TNFRSF8: variants seen among roughly 807,000 people sequenced by gnomAD.
TNFRSF8 encodes tumor necrosis factor receptor superfamily member 8.
TNFRSF8 carries 26 observed loss-of-function variants against 70.8 expected under a neutral mutation model. The observed-to-expected ratio is 0.37, with a 90% CI of 0.27 to 0.51. TNFRSF8 has a LOEUF of 0.51. TNFRSF8 is among the 20% of genes least tolerant of loss of function. TNFRSF8 has a pLI of 0.94. For missense variants in TNFRSF8, 720 were observed against 807.9 expected (o/e 0.89, Z 1.32); for synonymous variants, 356 against 339.2 (o/e 1.05, Z -0.54).
rs1017618053 is a variant in TNFRSF8 at position 12,143,621 on chromosome 1, C to T, written c.*1090C>T. ...TTACTCTGGACCATAGGAAACAAGA[C>T]CGTTTGGAGGTTTCATCAGGATTTT... On this transcript the variant is annotated 3_prime_UTR_variant, in exon 15 of 15. Coordinates refer to ENST00000263932, the MANE Select transcript of TNFRSF8 (RefSeq NM_001243.5). The surrounding 1 kb of genome is among the most constrained non-coding windows in gnomAD (Gnocchi z 4.1). The T allele has an allele frequency of 2.6e-5, 4 of 152,272 alleles. No individual in the cohort carries two copies. Among genetic ancestry groups the T allele is most frequent in the South Asian group, 2.1e-4 (1 of 4,834 alleles). The allele number at this position is 152,272 out of a possible 1,614,324, so 9.4% of individuals were successfully genotyped here.
rs71230982 is a variant in TNFRSF8 at position 12,087,165 on chromosome 1, C to CTTTT, written c.151+2631_151+2634dup. Among the ~76,000 whole-genome samples, 130 of 83,946 alleles carry CTTTT rather than the reference C, an allele frequency of 1.5e-3. 16 individuals carry two copies. The highest frequency in any genetic ancestry group is 5.3e-3 in the African/African-American group (119 of 22,340). The allele number at this position is 83,946 out of a possible 152,430, so 55.1% of individuals were successfully genotyped here. On this transcript the variant is annotated intron_variant, in intron 2 of 14. Transcript: ENST00000263932. ...CAAATTTTTATTTCTCTCTCTCTCT[C>CTTTT]TTTTTTTTTTTTTTTTTTTTGAGAT... is the stretch of plus-strand genomic sequence containing the variant.
chr1:12,063,628 G>A lies in TNFRSF8; in HGVS notation c.30G>A (p.Leu10=). Residue 10 remains leucine, a synonymous_variant, in exon 1 of 15, where the codon CTG becomes CTA. Transcript: ENST00000263932. The surrounding 1 kb of genome is among the most constrained non-coding windows in gnomAD (Gnocchi z 7.2). MRVLLAALG[L]LFLGALRAFP... ...GCGTCCTCCTCGCCGCGCTGGGACTGCTGTTCCTGGGGGCGCTACGAGCCT... is the reference window on the plus strand; with the variant it reads ...GCGTCCTCCTCGCCGCGCTGGGACTACTGTTCCTGGGGGCGCTACGAGCCT... 1 of 1,294,682 alleles carries A rather than the reference G, an allele frequency of 7.7e-7. No individual in the cohort carries two copies. Among genetic ancestry groups the A allele is most frequent in the Non-Finnish European group, 9.9e-7 (1 of 1,012,156 alleles). The allele number at this position is 1,294,682 out of a possible 1,614,324, so 80.2% of individuals were successfully genotyped here.
chr1:12,135,265 G>A (rs1166997783), intron 12 of TNFRSF8, among the ~76,000 whole-genome samples: 1 of 138,528 alleles, frequency 7.2e-6, no homozygotes, highest in African/African-American at 2.7e-5. Flanking sequence ...ACATTGAGCC[G>A]AGATCATGCC....
chr1:12,104,559 C>G (rs1474410669), intron 4 of TNFRSF8, 28 bp downstream of exon 4: 3 of 1,613,736 alleles, frequency 1.9e-6, no homozygotes, highest in South Asian at 2.2e-5. Flanking sequence ...TAACTCAGGA[C>G]AGAGATCTAT....
intron 6 of TNFRSF8, among the ~76,000 whole-genome samples, chr1:12,111,688 G>A (rs925366420): frequency 1.3e-5 from 2 of 152,176 alleles, no homozygotes; most frequent in Admixed American, 6.5e-5. Context: ...GGGCTGGTTG[G>A]GGGGCAATGA....
chr1:12,100,226 C>A (rs146756997), intron 3 of TNFRSF8, among the ~76,000 whole-genome samples: 2 of 151,904 alleles, frequency 1.3e-5, no homozygotes, highest in African/African-American at 2.4e-5. Flanking sequence ...GGGCACTTAC[C>A]GTGAATGGAG....
intron 12 of TNFRSF8, among the ~76,000 whole-genome samples, chr1:12,131,444 C>T (rs560092577): frequency 5.9e-5 from 9 of 152,220 alleles, no homozygotes; most frequent in Admixed American, 1.3e-4. Context: ...AGCGAGCCTC[C>T]GTCTCAAAAC....
chr1:12,093,899 G>A (rs1213703866), intron 2 of TNFRSF8, among the ~76,000 whole-genome samples: 1 of 151,738 alleles, frequency 6.6e-6, no homozygotes, highest in Admixed American at 6.6e-5. Flanking sequence ...GTGAAACCCC[G>A]TCTCTACTAA....
Position 12,104,416 on chromosome 1 carries a change from C to T in TNFRSF8, c.306C>T (p.Ser102=). 1 of 1,614,146 alleles carries T rather than the reference C, an allele frequency of 6.2e-7. No individual in the cohort carries two copies. The highest frequency in any genetic ancestry group is 8.5e-7 in the Non-Finnish European group (1 of 1,180,024). ...LVEKTPCAWN[S]SRVCECRPGM... is the part of the protein sequence containing the mutation. ...AGAAGACGCCGTGTGCATGGAACTCCTCCCGTGTCTGCGAATGTCGACCCG... is the reference window on the plus strand; with the variant it reads ...AGAAGACGCCGTGTGCATGGAACTCTTCCCGTGTCTGCGAATGTCGACCCG... Residue 102 remains serine (S), a synonymous_variant, in exon 4 of 15, where the codon TCC becomes TCT. Transcript: ENST00000263932.
Position 12,142,584 on chromosome 1 carries a change from A to C in TNFRSF8, c.*53A>C, listed in dbSNP as rs541742694. On this transcript the variant is annotated 3_prime_UTR_variant, in exon 15 of 15. Coordinates refer to ENST00000263932, the MANE Select transcript of TNFRSF8 (RefSeq NM_001243.5). The surrounding 1 kb of genome is among the most constrained non-coding windows in gnomAD (Gnocchi z 5.0). ...GCAGCAGGGTGGCCTCTGGGAGGCCAGGATGGCACTGTTGGCACCGAGGTT... is the reference window on the plus strand; with the variant it reads ...GCAGCAGGGTGGCCTCTGGGAGGCCCGGATGGCACTGTTGGCACCGAGGTT... The C allele has an allele frequency of 2.7e-5, 41 of 1,536,086 alleles. No individual in the cohort carries two copies. In the South Asian group the frequency reaches 4.9e-4, roughly 18 times the overall value.
intron 12 of TNFRSF8, among the ~76,000 whole-genome samples, chr1:12,128,445 C>T (rs955377516): frequency 2.0e-5 from 3 of 152,328 alleles, no homozygotes; most frequent in Middle Eastern, 3.4e-3. Flanking sequence ...TGTGTGTCCT[C>T]GGTGACAGGC....
chr1:12,072,735 C>G (rs1640868974), intron 1 of TNFRSF8, among the ~76,000 whole-genome samples: 1 of 152,190 alleles, frequency 6.6e-6, no homozygotes, highest in African/African-American at 2.4e-5. Flanking sequence ...GGTACGGTTC[C>G]TGCTCTCAGA....
In TNFRSF8 at chr1:12,108,299, C is replaced by T. The variant is rs1312044591; in HGVS notation, c.422-1267C>T. Reference sequence around the variant, plus strand: ...TTCACTATGTTGTCCAGGCTGGTCTCGAACTCCTGACCTCATGATCCGCCC... The same window carrying T: ...TTCACTATGTTGTCCAGGCTGGTCTTGAACTCCTGACCTCATGATCCGCCC... On this transcript the variant is annotated intron_variant, in intron 4 of 14. Transcript: ENST00000263932. The surrounding 1 kb of genome is among the most constrained non-coding windows in gnomAD (Gnocchi z 4.0). Among the ~76,000 whole-genome samples the T allele has an allele frequency of 2.7e-5, 4 of 150,646 alleles. No homozygotes were observed. Among genetic ancestry groups the T allele is most frequent in the African/African-American group, 4.9e-5 (2 of 41,034 alleles).
intron 1 of TNFRSF8, among the ~76,000 whole-genome samples, chr1:12,064,785 G>T (rs1030794203): frequency 2.0e-5 from 3 of 152,198 alleles, no homozygotes; most frequent in African/African-American, 7.2e-5. Flanking sequence ...CCCCAAGAGG[G>T]CAGAGGGGAC....
intron 12 of TNFRSF8, among the ~76,000 whole-genome samples, chr1:12,128,294 G>T (rs756871950): frequency 6.6e-6 from 1 of 152,228 alleles, no homozygotes; most frequent in Non-Finnish European, 1.5e-5. Flanking sequence ...GGGAGTGTGC[G>T]CCCCTTGGCC....
At chr1:12,073,344 A>C (rs966714330) in intron 1 of TNFRSF8, among the ~76,000 whole-genome samples, 2 of 152,252 alleles carry the variant, frequency 1.3e-5, no homozygotes, top group East Asian at 3.9e-4. Flanking sequence ...CAGGAACCTA[A>C]GGCACCTCCA....
intron 1 of TNFRSF8, among the ~76,000 whole-genome samples, chr1:12,069,115 C>T (rs1640792139): frequency 6.6e-6 from 1 of 150,402 alleles, no homozygotes; most frequent in South Asian, 2.1e-4. Flanking sequence ...TCGTGATCCA[C>T]CCGCCTCGGC....
intron 12 of TNFRSF8, among the ~76,000 whole-genome samples, chr1:12,130,055 C>T (rs1263441427): frequency 1.3e-5 from 2 of 152,090 alleles, no homozygotes; most frequent in African/African-American, 4.8e-5. Context: ...CAGGCGTGTG[C>T]CACACAATGC....
chr1:12,067,319 C>G (rs1445575981), intron 1 of TNFRSF8, among the ~76,000 whole-genome samples: 1 of 152,146 alleles, frequency 6.6e-6, no homozygotes, highest in Non-Finnish European at 1.5e-5. Context: ...TCCATGTACC[C>G]CCAATTCCAG....
Sources: allele counts gnomAD v4.1 joint callset (sites outside exome capture counted in the v4.1 genomes callset), GRCh38; gene constraint gnomAD v4.1.1; non-coding constraint Gnocchi (gnomAD v3.1); transcripts MANE v1.5; gene names NCBI Gene and HGNC (gene_info 2026-07-23, HGNC 2026-07-21).